The following RALGAPA1 variants were observed in gnomAD, a reference collection of about 807,000 sequenced individuals.
RALGAPA1 encodes Ral GTPase activating protein catalytic subunit alpha 1, also known as ral GTPase-activating protein subunit alpha-1.
RALGAPA1 carries 52 observed loss-of-function variants against 269.6 expected under a neutral mutation model. That is an observed-to-expected ratio of 0.19 (90% CI 0.15 to 0.24). The LOEUF is 0.24. Ranked by LOEUF, RALGAPA1 falls within the 10% of genes least tolerant of loss-of-function variation. The pLI is 1.00. For missense variants in RALGAPA1, 1,917 were observed against 3,013.9 expected (o/e 0.64, Z 8.52); for synonymous variants, 817 against 1,008.3 (o/e 0.81, Z 3.60).
chr14:35,663,306 A>G (rs1473093045), intron 27 of RALGAPA1, among the ~76,000 whole-genome samples: 1 of 152,150 alleles, frequency 6.6e-6, no homozygotes, highest in Non-Finnish European at 1.5e-5. Context: ...GACATTGAAC[A>G]CGTAATTACA....
At chr14:35,772,579 G>A (rs902761806) in intron 3 of RALGAPA1, among the ~76,000 whole-genome samples, 1 of 152,138 alleles carries the variant, frequency 6.6e-6, no homozygotes, top group South Asian at 2.1e-4. Flanking sequence ...TGTGTTTGCT[G>A]TTATTGCTGT....
At position 35,565,239 on chromosome 14, in the gene RALGAPA1, G is replaced by A. The variant is rs1360875627; in HGVS notation, c.7496+5378C>T. On this transcript the variant is annotated intron_variant, in intron 39 of 41. Coordinates refer to ENST00000680220, the MANE Select transcript of RALGAPA1 (RefSeq NM_001346249.2). ...TAAAAAGAAAAGAAAAACAGGATAT[G>A]TTGGTTAATTTTATGTAAACTTGGC... 2.0e-5 allele frequency among the ~76,000 whole-genome samples: 3 copies of A among 151,346 alleles called. No individual in the cohort carries two copies. In the East Asian group the frequency reaches 5.8e-4, roughly 29 times the overall value.
chr14:35,661,229 G>A (rs147766604), intron 27 of RALGAPA1, among the ~76,000 whole-genome samples: 42 of 152,186 alleles, frequency 2.8e-4, no homozygotes, highest in Middle Eastern at 3.4e-3. Flanking sequence ...ACATCATATT[G>A]TACACCTTAA....
intron 12 of RALGAPA1, among the ~76,000 whole-genome samples, chr14:35,732,754 A>T (rs1163418606): frequency 6.6e-6 from 1 of 152,208 alleles, no homozygotes; most frequent in Admixed American, 6.5e-5. Flanking sequence ...TTTATAAAAC[A>T]ATTATTAATA....
chr14:35,712,326 T>C (rs1006277696), intron 16 of RALGAPA1, among the ~76,000 whole-genome samples: 1 of 152,090 alleles, frequency 6.6e-6, no homozygotes, highest in African/African-American at 2.4e-5. Flanking sequence ...AGTAAATATT[T>C]TACTTTCATT....
intron 1 of RALGAPA1, among the ~76,000 whole-genome samples, chr14:35,804,194 G>A (rs2077185406): frequency 6.6e-6 from 1 of 151,000 alleles, no homozygotes; most frequent in Non-Finnish European, 1.5e-5. Flanking sequence ...CTGGGGAGGT[G>A]GACGTTGCAG....
intron 35 of RALGAPA1, among the ~76,000 whole-genome samples, chr14:35,624,727 A>C (rs972291408): frequency 1.3e-5 from 2 of 152,180 alleles, no homozygotes; most frequent in Non-Finnish European, 2.9e-5. Context: ...CTCACTATGC[A>C]TTCCTATGGG....
chr14:35,634,446 A>C, intron 33 of RALGAPA1, 128 bp downstream of exon 33: 1 of 584,992 alleles, frequency 1.7e-6, no homozygotes, highest in South Asian at 4.4e-5. Context: ...AACTTGTGCT[A>C]TACATACATG....
At position 35,664,771 on chromosome 14, in the gene RALGAPA1, T is replaced by C. The variant is rs746002870; in HGVS notation, c.5203-4A>G. Reference sequence around the variant, plus strand: ...CTTGTGCTTCTACTCTTGGTGCCTATGTATCACATTTTTAAAAAGTTTAAA... The same window carrying C: ...CTTGTGCTTCTACTCTTGGTGCCTACGTATCACATTTTTAAAAAGTTTAAA... On this transcript the variant is annotated splice_polypyrimidine_tract_variant and splice_region_variant and intron_variant, in intron 26 of 41. Transcript: ENST00000680220. 6.9e-6 allele frequency: 11 copies of C among 1,600,430 alleles called. No individual in the cohort carries two copies. Among genetic ancestry groups the C allele is most frequent in the African/African-American group, 5.4e-5 (4 of 73,944 alleles).
intron 37 of RALGAPA1, among the ~76,000 whole-genome samples, chr14:35,582,323 G>A (rs2058003947): frequency 6.6e-6 from 1 of 152,130 alleles, no homozygotes; most frequent in African/African-American, 2.4e-5. Context: ...ACAAGTTCTG[G>A]GTCTTCCAGT....
chr14:35,758,123 A>T (rs941590808), intron 6 of RALGAPA1, among the ~76,000 whole-genome samples: 7 of 151,610 alleles, frequency 4.6e-5, no homozygotes, highest in Non-Finnish European at 7.4e-5. Flanking sequence ...GTGGTGGCAC[A>T]CGCCTGTAAT....
chr14:35,802,137 G>A (rs980812829), intron 1 of RALGAPA1, among the ~76,000 whole-genome samples: 48 of 152,082 alleles, frequency 3.2e-4, no homozygotes, highest in Non-Finnish European at 1.0e-4. Context: ...GTGAAACCCC[G>A]TCTCTACTAC....
At chr14:35,750,428 TA>T in intron 9 of RALGAPA1, 53 bp downstream of exon 9, 1 of 1,410,496 alleles carries the variant, frequency 7.1e-7, no homozygotes, top group Non-Finnish European at 1.0e-6. Flanking sequence ...CTCAATGGAC[TA>T]AATCTCAAAA....
intron 17 of RALGAPA1, among the ~76,000 whole-genome samples, chr14:35,697,529 G>A (rs2066998566): frequency 1.3e-5 from 2 of 152,014 alleles, no homozygotes; most frequent in South Asian, 2.1e-4. Flanking sequence ...TGTATTTTTA[G>A]TAGAGATGGG....
In RALGAPA1 at chr14:35,769,186, ATAGT is replaced by A. The variant is rs1314865704; in HGVS notation, c.325+1752_325+1755del. 7.9e-5 allele frequency among the ~76,000 whole-genome samples: 12 copies of A among 151,444 alleles called. No individual in the cohort carries two copies. In the East Asian group the frequency reaches 9.7e-4, roughly 12 times the overall value. Reference sequence around the variant, plus strand: ...TTGAAAAGATCAACAAATATGACAAATAGTTAGACTGGCCAATAAAATAGGAGAG... The same window carrying A: ...TTGAAAAGATCAACAAATATGACAAATAGACTGGCCAATAAAATAGGAGAG... On this transcript the variant is annotated intron_variant, in intron 4 of 41. Transcript: ENST00000680220.
At chr14:35,740,972 C>T (rs1695770800) in intron 11 of RALGAPA1, among the ~76,000 whole-genome samples, 1 of 151,994 alleles carries the variant, frequency 6.6e-6, no homozygotes, top group Admixed American at 6.6e-5. Flanking sequence ...GGGTTTGGTC[C>T]ACACCATTTG....
At chr14:35,562,321 AG>A (rs1310738299) in intron 39 of RALGAPA1, among the ~76,000 whole-genome samples, 2 of 152,142 alleles carry the variant, frequency 1.3e-5, no homozygotes, top group African/African-American at 4.8e-5. Flanking sequence ...GTGAGCCTTC[AG>A]GGCTCAGCCT....
At chr14:35,646,591 A>G (rs1394800506) in intron 31 of RALGAPA1, among the ~76,000 whole-genome samples, 1 of 152,176 alleles carries the variant, frequency 6.6e-6, no homozygotes, top group Non-Finnish European at 1.5e-5. Flanking sequence ...AAGATTAAGA[A>G]CCTGTTCCAT....
intron 34 of RALGAPA1, 121 bp downstream of exon 34, chr14:35,626,969 T>A: frequency 7.0e-6 from 7 of 994,086 alleles, no homozygotes. Flanking sequence ...AAAAAATGAG[T>A]CAAAGAACTA....
Sources: gnomAD v4.1 joint callset for allele counts (sites outside exome capture counted in the v4.1 genomes callset) on GRCh38, gnomAD v4.1.1 for gene constraint, MANE v1.5 for transcripts, NCBI Gene and HGNC (gene_info 2026-07-23, HGNC 2026-07-21) for gene names.